TRIO: variants seen among roughly 807,000 people sequenced by gnomAD.
The protein encoded by TRIO is triple functional domain protein.
A neutral mutation model predicts 351.9 loss-of-function variants in TRIO; 58 were observed. That is an observed-to-expected ratio of 0.16 (90% CI 0.13 to 0.21). The LOEUF (loss-of-function observed/expected upper bound fraction) is 0.21, where lower values mean the gene tolerates loss of function less well. TRIO is among the 10% of genes least tolerant of loss of function. The probability of loss-of-function intolerance (pLI) is 1.00; values close to 1 mark genes in which losing one functional copy is unlikely to be tolerated. For synonymous variants in TRIO, 1,758 were observed against 1,595.7 expected (o/e 1.10, Z -2.42); for missense variants, 3,201 against 4,027.8 (o/e 0.79, Z 5.56).
chr5:14,404,324 G>A (rs1748519493), intron 31 of TRIO, among the ~76,000 whole-genome samples: 1 of 152,044 alleles, frequency 6.6e-6, no homozygotes, highest in African/African-American at 2.4e-5. Flanking sequence ...CTCTTAGCCA[G>A]GTAGGACCTT....
At chr5:14,264,394 A>G (rs1191655518) in intron 1 of TRIO, among the ~76,000 whole-genome samples, 1 of 152,190 alleles carries the variant, frequency 6.6e-6, no homozygotes, top group East Asian at 1.9e-4. Flanking sequence ...CATAAAGGTT[A>G]TAGGTAAAAA....
At chr5:14,304,055 C>A (rs1195038388) in intron 7 of TRIO, among the ~76,000 whole-genome samples, 1 of 152,126 alleles carries the variant, frequency 6.6e-6, no homozygotes, top group African/African-American at 2.4e-5. Flanking sequence ...TGCTATTGAG[C>A]CCTAGTTAAG....
intron 1 of TRIO, among the ~76,000 whole-genome samples, chr5:14,178,225 C>T (rs1789523552): frequency 6.6e-6 from 1 of 152,074 alleles, no homozygotes; most frequent in African/African-American, 2.4e-5. Context: ...TCCTACACCA[C>T]AAGGATTTTT....
rs7724459 is a variant in TRIO, at chr5:14,190,261, A to G, written c.157+46379A>G. Among the ~76,000 whole-genome samples, 931 of 152,214 alleles carry G rather than the reference A, an allele frequency of 6.1e-3. 13 individuals carry two copies. The highest frequency in any genetic ancestry group is 0.022 in the African/African-American group (899 of 41,558). On this transcript the variant is annotated intron_variant, in intron 1 of 56. Coordinates refer to ENST00000344204, the MANE Select transcript of TRIO (RefSeq NM_007118.4). Reference sequence around the variant, plus strand: ...AAGAGGGTGGACTACAGGGGCAGGCAGTCCAGCTAGCGGCACAGCCATTCA... The same window carrying G: ...AAGAGGGTGGACTACAGGGGCAGGCGGTCCAGCTAGCGGCACAGCCATTCA...
chr5:14,427,047 G>A (rs537560245), intron 34 of TRIO, among the ~76,000 whole-genome samples: 1 of 152,226 alleles, frequency 6.6e-6, no homozygotes, highest in African/African-American at 2.4e-5. Flanking sequence ...CTGGAGGTTG[G>A]GAGCTTCATC....
rs147366244 is a variant in TRIO at position 14,415,199 on chromosome 5, A to G, written c.4960-4579A>G. ...GGCCACATTCTCCTTTTGCTTTTGA[A>G]TTGCTCTCAGAAAATTGGTCAGAAC... On this transcript the variant is annotated intron_variant, in intron 33 of 56. Transcript: ENST00000344204. 1.7e-3 allele frequency among the ~76,000 whole-genome samples: 266 copies of G among 152,252 alleles called. 2 individuals carry two copies. Among genetic ancestry groups the G allele is most frequent in the African/African-American group, 6.2e-3 (256 of 41,520 alleles).
chr5:14,479,790 T>C (rs923306100), intron 42 of TRIO, 129 bp from the exon 43 acceptor site: 1 of 747,842 alleles, frequency 1.3e-6, no homozygotes, highest in Non-Finnish European at 2.2e-6. Flanking sequence ...AAAGCTCTAG[T>C]TAGTCTAGTG....
chr5:14,212,423 G>T (rs1444900156), intron 1 of TRIO, among the ~76,000 whole-genome samples: 1 of 152,094 alleles, frequency 6.6e-6, no homozygotes, highest in Admixed American at 6.5e-5. Flanking sequence ...TGTGAACCTT[G>T]TTTCCACCCC....
At chr5:14,457,312 A>G (rs1055378165) in intron 34 of TRIO, among the ~76,000 whole-genome samples, 57 of 128,738 alleles carry the variant, frequency 4.4e-4, no homozygotes, top group African/African-American at 1.5e-3. Flanking sequence ...GGCAGTTGTC[A>G]CCCAGTCCTT....
At chr5:14,226,955 G>C (rs1424073554) in intron 1 of TRIO, among the ~76,000 whole-genome samples, 1 of 151,182 alleles carries the variant, frequency 6.6e-6, no homozygotes. Context: ...TAGGAGTCCA[G>C]GAGGGAGGAA....
At chr5:14,310,650 C>T (rs1447620748) in intron 8 of TRIO, among the ~76,000 whole-genome samples, 4 of 152,198 alleles carry the variant, frequency 2.6e-5, no homozygotes, top group Admixed American at 1.3e-4. Flanking sequence ...ACCACCTCTC[C>T]GTGATGTGTG....
At chr5:14,505,347 A>G (rs778154265) in intron 55 of TRIO, among the ~76,000 whole-genome samples, 2 of 152,240 alleles carry the variant, frequency 1.3e-5, no homozygotes, top group Non-Finnish European at 2.9e-5. Flanking sequence ...CATCCACCCC[A>G]AACATCTGTG....
Position 14,481,611 on chromosome 5 carries a change from G to C in TRIO, c.6458G>C (p.Gly2153Ala). 6.2e-7 allele frequency: 1 copy of C among 1,614,068 alleles called. No homozygotes were observed. Among genetic ancestry groups the C allele is most frequent in the Non-Finnish European group, 8.5e-7 (1 of 1,180,016 alleles). The change falls in exon 45 of 57, where the codon GGA becomes GCA. Residue 2153 changes from glycine (G) to alanine (A), a missense_variant. This residue lies in a region of TRIO where 307 missense variants were observed against 396.5 expected (regional missense o/e 0.77). Coordinates refer to ENST00000344204, the MANE Select transcript of TRIO (RefSeq NM_007118.4). ...NDMMNVGRLQGFDGKIVAQGK... is the reference protein window; with the variant it reads ...NDMMNVGRLQAFDGKIVAQGK... Reference sequence around the variant, plus strand: ...ATGATGAACGTGGGGCGGCTGCAAGGATTCGACGTAATGCGGCTCTTGTTT... The same window carrying C: ...ATGATGAACGTGGGGCGGCTGCAAGCATTCGACGTAATGCGGCTCTTGTTT...
chr5:14,438,470 C>T (rs1042005415), intron 34 of TRIO, among the ~76,000 whole-genome samples: 3 of 152,330 alleles, frequency 2.0e-5, no homozygotes, highest in Admixed American at 1.3e-4. Context: ...CACATTGTCG[C>T]TTCTGTAATT....
chr5:14,283,714 G>C (rs1212089920), intron 3 of TRIO, among the ~76,000 whole-genome samples: 1 of 151,838 alleles, frequency 6.6e-6, no homozygotes, highest in Non-Finnish European at 1.5e-5. Flanking sequence ...GCAGCTGTGA[G>C]TGATTTGAGT....
chr5:14,484,677 G>A (rs1755783538), intron 46 of TRIO, among the ~76,000 whole-genome samples: 1 of 152,152 alleles, frequency 6.6e-6, no homozygotes, highest in South Asian at 2.1e-4. Flanking sequence ...GAACATTCAT[G>A]TTTTGCAGCC....
intron 34 of TRIO, among the ~76,000 whole-genome samples, chr5:14,454,859 C>G (rs1753142457): frequency 6.6e-6 from 1 of 152,188 alleles, no homozygotes; most frequent in Non-Finnish European, 1.5e-5. Context: ...GAGGTTGTTC[C>G]TTCTGATGTT....
At chr5:14,442,125 G>T (rs1308035943) in intron 34 of TRIO, among the ~76,000 whole-genome samples, 1 of 152,108 alleles carries the variant, frequency 6.6e-6, no homozygotes, top group Non-Finnish European at 1.5e-5. Context: ...CCATACAGCC[G>T]AAAAAAGGAG....
In TRIO at chr5:14,502,467, A is replaced by C. The variant is rs1294213486; in HGVS notation, c.8333-112A>C. The C allele has an allele frequency of 3.3e-6, 3 of 919,974 alleles. No individual in the cohort carries two copies. In the Admixed American group the frequency reaches 5.8e-5, roughly 18 times the overall value. 57.0% of individuals were successfully genotyped at this position (919,974 alleles called of 1,614,324 possible). ...TCTCCACTCGCATGAGCCGTGTGGCAGGTGCCCGGTGGCCACGCGCAGCTG... is the reference window on the plus strand; with the variant it reads ...TCTCCACTCGCATGAGCCGTGTGGCCGGTGCCCGGTGGCCACGCGCAGCTG... On this transcript the variant is annotated intron_variant, in intron 53 of 56. Transcript: ENST00000344204.
Sources: allele counts gnomAD v4.1 joint callset (sites outside exome capture counted in the v4.1 genomes callset), GRCh38; gene constraint gnomAD v4.1.1; regional missense constraint gnomAD v4.1.1; transcripts MANE v1.5; gene names NCBI Gene and HGNC (gene_info 2026-07-23, HGNC 2026-07-21).